The following PACS1 variants were observed in gnomAD, a reference collection of about 807,000 sequenced individuals.
PACS1 encodes the protein PACS-1.
In PACS1, 24 loss-of-function variants were observed where a neutral mutation model predicts 115.0. That is an observed-to-expected ratio of 0.21 (90% confidence interval 0.15 to 0.29). PACS1 has a LOEUF of 0.29. Ranked by LOEUF, PACS1 falls within the 10% of genes least tolerant of loss-of-function variation. The pLI is 1.00. For synonymous variants in PACS1, 453 were observed against 504.5 expected (o/e 0.90, Z 1.37); for missense variants, 838 against 1,251.2 (o/e 0.67, Z 4.98).
intron 1 of PACS1, among the ~76,000 whole-genome samples, chr11:66,082,158 C>T (rs1202155026): frequency 6.6e-6 from 1 of 152,192 alleles, no homozygotes; most frequent in Non-Finnish European, 1.5e-5. Flanking sequence ...TCATGGTAAA[C>T]ATCAGGGCTT....
At chr11:66,139,416 T>A (rs981231907) in intron 1 of PACS1, among the ~76,000 whole-genome samples, 7 of 152,272 alleles carry the variant, frequency 4.6e-5, no homozygotes, top group Admixed American at 2.0e-4. Context: ...CTAGCAAATA[T>A]TAGGTCTTAT....
intron 1 of PACS1, among the ~76,000 whole-genome samples, chr11:66,132,409 T>C (rs536951513): frequency 6.6e-6 from 1 of 152,284 alleles, no homozygotes; most frequent in Non-Finnish European, 1.5e-5. Flanking sequence ...AGTATCTTTA[T>C]AGCAGTGTGA....
chr11:66,195,803 AC>A (rs902272550), intron 2 of PACS1, among the ~76,000 whole-genome samples: 3 of 152,196 alleles, frequency 2.0e-5, no homozygotes, highest in Admixed American at 6.5e-5. Context: ...ATCAAAACAG[AC>A]AAAAATCCCT....
intron 1 of PACS1, among the ~76,000 whole-genome samples, chr11:66,079,528 T>C (rs1022627752): frequency 6.6e-6 from 1 of 152,114 alleles, no homozygotes; most frequent in Non-Finnish European, 1.5e-5. Flanking sequence ...ACACATTGCA[T>C]TGTAATCCCT....
At chr11:66,096,558 C>T (rs1000765313) in intron 1 of PACS1, among the ~76,000 whole-genome samples, 1 of 148,150 alleles carries the variant, frequency 6.7e-6, no homozygotes, top group Non-Finnish European at 1.5e-5. Flanking sequence ...GGCTGGAGTG[C>T]AATGGCGTGA....
intron 1 of PACS1, among the ~76,000 whole-genome samples, chr11:66,157,804 G>A (rs1019238715): frequency 2.7e-5 from 4 of 150,812 alleles, no homozygotes; most frequent in South Asian, 2.1e-4. Flanking sequence ...CCTCAGCCAG[G>A]ACATTATCAC....
At chr11:66,120,950 C>T (rs1590758341) in intron 1 of PACS1, 1 of 452,704 alleles carries the variant, frequency 2.2e-6, no homozygotes, top group African/African-American at 2.0e-5. Flanking sequence ...GTGCACGCCT[C>T]TCTCTGCTTC....
Position 66,233,956 on chromosome 11 carries a change from C to T in PACS1, c.1993+17C>T, listed in dbSNP as rs779505002. 6.4e-7 allele frequency: 1 copy of T among 1,567,494 alleles called. No individual in the cohort carries two copies. Among genetic ancestry groups the T allele is most frequent in the South Asian group, 1.2e-5 (1 of 83,274 alleles). On this transcript the variant is annotated intron_variant, in intron 16 of 23. Coordinates refer to ENST00000320580, the MANE Select transcript of PACS1 (RefSeq NM_018026.4). The surrounding 1 kb of genome is among the most constrained non-coding windows in gnomAD (Gnocchi z 4.5). ...TCCCCCTCGGTAAAGACGGGAGGCA[C>T]CAGGAGGGCGTCGGGCATGAGGGTT...
chr11:66,152,595 AAAG>A lies in PACS1; in HGVS notation c.357-40888_357-40886del, dbSNP rs928603732. Among the ~76,000 whole-genome samples, 128 of 152,326 alleles carry A rather than the reference AAAG, an allele frequency of 8.4e-4. 1 individual carries two copies. Among genetic ancestry groups the A allele is most frequent in the African/African-American group, 3.0e-3 (126 of 41,568 alleles). ...GTCAAATTGCTGAAACCAAAGATAA[AAAG>A]AAAATCTTAAAAGCAGATAGAGATC... On this transcript the variant is annotated intron_variant, in intron 1 of 23. Transcript: ENST00000320580.
chr11:66,197,429 A>C (rs1293418264), intron 2 of PACS1, among the ~76,000 whole-genome samples: 1 of 152,176 alleles, frequency 6.6e-6, no homozygotes, highest in Non-Finnish European at 1.5e-5. Flanking sequence ...TTGGAAAAAA[A>C]ATTTTTACTT....
rs151327660 is a variant in PACS1 at position 66,165,630 on chromosome 11, C to T, written c.357-27856C>T. Among the ~76,000 whole-genome samples the T allele has an allele frequency of 1.6e-4, 25 of 152,314 alleles. No individual in the cohort carries two copies. The East Asian group carries it at 4.8e-3, about 29-fold the overall frequency. On this transcript the variant is annotated intron_variant, in intron 1 of 23. Transcript: ENST00000320580. ...TCCCAGTCTCCTTTGTCTGATTAAA[C>T]AGCACCACCATCCATCCACCCTGTT...
chr11:66,096,623 C>T (rs1857789137), intron 1 of PACS1, among the ~76,000 whole-genome samples: 1 of 151,584 alleles, frequency 6.6e-6, no homozygotes, highest in Non-Finnish European at 1.5e-5. Context: ...CCTGCCTCAA[C>T]CTCCCTTGTA....
rs1413439696 is a variant in PACS1 at position 66,236,321 on chromosome 11, T to C, written c.2250+381T>C. Among the ~76,000 whole-genome samples, 1 of 152,188 alleles carries C rather than the reference T, an allele frequency of 6.6e-6. No homozygotes were observed. The highest frequency in any genetic ancestry group is 2.4e-5 in the African/African-American group (1 of 41,448). On this transcript the variant is annotated intron_variant, in intron 19 of 23. Coordinates refer to ENST00000320580, the MANE Select transcript of PACS1 (RefSeq NM_018026.4). This position sits in a 1 kb window ranked among gnomAD's most constrained non-coding sequence, Gnocchi z 4.2. Reference sequence around the variant, plus strand: ...GTCCATCACTGATGTCTCCTGTTTATTACACCAGGCCCTGACCTCGCTGCC... The same window carrying C: ...GTCCATCACTGATGTCTCCTGTTTACTACACCAGGCCCTGACCTCGCTGCC...
intron 1 of PACS1, among the ~76,000 whole-genome samples, chr11:66,189,905 T>G (rs1854478221): frequency 6.6e-6 from 1 of 152,210 alleles, no homozygotes. Flanking sequence ...ACTCAAGGCA[T>G]TGCTCCAGAA....
At chr11:66,219,558 C>T in intron 7 of PACS1, 188 bp from the exon 8 acceptor site, 1 of 698,060 alleles carries the variant, frequency 1.4e-6, no homozygotes, top group Non-Finnish European at 2.6e-6. Context: ...CACCCAAGGC[C>T]CAGGAGCTAC....
At chr11:66,208,658 TAAAAAAA>T (rs769442696) in intron 2 of PACS1, among the ~76,000 whole-genome samples, 3 of 112,556 alleles carry the variant, frequency 2.7e-5, no homozygotes, top group African/African-American at 7.4e-5. Context: ...CTCTTTTTAT[TAAAAAAA>T]AAAAAAAAGA....
chr11:66,224,287 C>T (rs1855424294), intron 10 of PACS1, among the ~76,000 whole-genome samples: 1 of 150,984 alleles, frequency 6.6e-6, no homozygotes, highest in African/African-American at 2.4e-5. Context: ...ACATTTGGGA[C>T]AGGGTAGAGC....
intron 2 of PACS1, among the ~76,000 whole-genome samples, chr11:66,199,829 C>A (rs751107883): frequency 2.7e-5 from 4 of 150,594 alleles, no homozygotes; most frequent in Non-Finnish European, 5.9e-5. Flanking sequence ...ACCAGCCTGG[C>A]CAACACAGTG....
chr11:66,110,035 G>A (rs1858150613), intron 1 of PACS1, among the ~76,000 whole-genome samples: 1 of 151,942 alleles, frequency 6.6e-6, no homozygotes, highest in African/African-American at 2.4e-5. Context: ...CCTCTCAACG[G>A]GACACACATA....
Sources: allele counts gnomAD v4.1 joint callset (sites outside exome capture counted in the v4.1 genomes callset), GRCh38; gene constraint gnomAD v4.1.1; non-coding constraint Gnocchi (gnomAD v3.1); transcripts MANE v1.5; gene names NCBI Gene and HGNC (gene_info 2026-07-23, HGNC 2026-07-21).